The following RAPGEF1 variants were observed in gnomAD, a reference collection of about 807,000 sequenced individuals.
RAPGEF1 encodes Rap guanine nucleotide exchange factor 1.
In RAPGEF1, 33 loss-of-function variants were observed where a neutral mutation model predicts 143.3. The ratio of observed to expected loss-of-function variants is 0.23; its 90% confidence interval spans 0.17 to 0.31. RAPGEF1 has a LOEUF of 0.31. Among genes scored for constraint, RAPGEF1 ranks in the 10% least tolerant of loss-of-function variants. RAPGEF1 has a pLI of 1.00. For synonymous variants in RAPGEF1, 629 were observed against 676.5 expected, an observed-to-expected ratio of 0.93 and a Z score of 1.09; for missense variants, 1,199 against 1,645.4, an observed-to-expected ratio of 0.73 and a Z score of 4.69.
intron 18 of RAPGEF1, 150 bp downstream of exon 18, chr9:131,591,949 C>T (rs551038092): frequency 1.8e-4 from 98 of 559,270 alleles, no homozygotes; most frequent in African/African-American, 1.6e-3. Context: ...GTGGGAACCT[C>T]GGTCCATGGG....
chr9:131,605,017 C>T lies in RAPGEF1; in HGVS notation c.2233G>A (p.Val745Met), dbSNP rs1564503971. Residue 745 changes from valine to methionine, a missense_variant, in exon 13 of 27, where the codon GTG becomes ATG. Val to Met is a conservative substitution (Grantham distance 21). Transcript: ENST00000683357. ...PTMAGPPPST[V>M]DGPLSASQES... ...TGAGAAGCCGAGAGAGGCCCGTCCA[C>T]GGTGCTGGGAGGTGGACCGGCCATG... The T allele has an allele frequency of 1.4e-5, 19 of 1,360,758 alleles. No individual in the cohort carries two copies. Among genetic ancestry groups the T allele is most frequent in the Non-Finnish European group, 1.6e-5 (16 of 1,019,544 alleles). The allele number at this position is 1,360,758 out of a possible 1,614,324, so 84.3% of individuals were successfully genotyped here.
At chr9:131,670,790 A>G (rs1473207955) in intron 1 of RAPGEF1, among the ~76,000 whole-genome samples, 2 of 152,218 alleles carry the variant, frequency 1.3e-5, no homozygotes, top group African/African-American at 4.8e-5. Flanking sequence ...TGGGTTGGGG[A>G]AGAACATATA....
intron 1 of RAPGEF1, among the ~76,000 whole-genome samples, chr9:131,661,308 T>A (rs11243467): frequency 0.011 from 1,617 of 152,230 alleles, 38 homozygotes; most frequent in East Asian, 0.088. Context: ...TTCTCACGAG[T>A]GTAGAGAGAA....
intron 11 of RAPGEF1, among the ~76,000 whole-genome samples, chr9:131,620,274 C>CT (rs10708548): frequency 0.034 from 4,907 of 146,348 alleles, 162 homozygotes; most frequent in South Asian, 0.085. Flanking sequence ...TCAGCAATGG[C>CT]TTTTTTTTTT....
intron 1 of RAPGEF1, among the ~76,000 whole-genome samples, chr9:131,681,240 GATCT>G (rs987255756): frequency 6.6e-6 from 1 of 152,112 alleles, no homozygotes; most frequent in Non-Finnish European, 1.5e-5. Flanking sequence ...TGATCCTCCA[GATCT>G]TTCTTTTCCG....
intron 12 of RAPGEF1, among the ~76,000 whole-genome samples, chr9:131,605,564 T>C (rs1344120737): frequency 6.6e-6 from 1 of 152,200 alleles, no homozygotes; most frequent in Non-Finnish European, 1.5e-5. Flanking sequence ...AATTACTCAT[T>C]TTGAATTTCT....
At chr9:131,647,083 A>G (rs1969860688) in intron 3 of RAPGEF1, among the ~76,000 whole-genome samples, 1 of 152,178 alleles carries the variant, frequency 6.6e-6, no homozygotes, top group Non-Finnish European at 1.5e-5. Flanking sequence ...TTGGACACCC[A>G]GTATATGGCT....
chr9:131,696,873 T>C (rs186506395), intron 1 of RAPGEF1, among the ~76,000 whole-genome samples: 2 of 152,372 alleles, frequency 1.3e-5, no homozygotes, highest in African/African-American at 4.8e-5. Flanking sequence ...GGTGCTATAA[T>C]AACATTAACA....
chr9:131,580,740 A>G (rs1951744374), intron 25 of RAPGEF1, among the ~76,000 whole-genome samples: 1 of 152,094 alleles, frequency 6.6e-6, no homozygotes, highest in Non-Finnish European at 1.5e-5. Context: ...ACCAGGGGGC[A>G]GGGGCAGAGA....
At chr9:131,735,537 C>T (rs139543822) in intron 1 of RAPGEF1, among the ~76,000 whole-genome samples, 32 of 152,302 alleles carry the variant, frequency 2.1e-4, no homozygotes, top group African/African-American at 6.5e-4. Context: ...GAGCCTTGTA[C>T]GGAGCCTGAT....
At chr9:131,636,657 T>C (rs1181318067) in intron 5 of RAPGEF1, among the ~76,000 whole-genome samples, 1 of 152,194 alleles carries the variant, frequency 6.6e-6, no homozygotes, top group Non-Finnish European at 1.5e-5. Context: ...ACCTGAAGAA[T>C]AACAATTTTC....
rs1474910535 is a variant in RAPGEF1 at position 131,675,934 on chromosome 9, C to T, written c.62-24985G>A. Among the ~76,000 whole-genome samples, 1 of 151,740 alleles carries T rather than the reference C, an allele frequency of 6.6e-6. No homozygotes were observed. Among genetic ancestry groups the T allele is most frequent in the Non-Finnish European group, 1.5e-5 (1 of 67,956 alleles). The stretch of plus-strand genomic sequence containing the variant: ...AGTCTTTTTTTTTTTTTTAATCTCG[C>T]CCTGTGGCCCAGGCTGGAGTGTAGT... On this transcript the variant is annotated intron_variant, in intron 1 of 26. Coordinates refer to ENST00000683357, the MANE Select transcript of RAPGEF1 (RefSeq NM_001377935.1). The surrounding 1 kb of genome is among the most constrained non-coding windows in gnomAD (Gnocchi z 4.6).
rs1962839278 is a variant in RAPGEF1, at chr9:131,625,827, C to A, written c.1702+95G>T. 2.8e-6 allele frequency: 4 copies of A among 1,444,484 alleles called. No homozygotes were observed. In the South Asian group the frequency reaches 5.7e-5, roughly 21 times the overall value. 89.5% of individuals were successfully genotyped at this position (1,444,484 alleles called of 1,614,324 possible). A position where few individuals can be genotyped will look rare whatever the true frequency, so the allele number is the denominator to read the frequency against. ...GCCTATCTTTTATGAAATAATGAGG[C>A]CACTGATTTGATTCTGGTCTAATGC... On this transcript the variant is annotated intron_variant, in intron 10 of 26. Transcript: ENST00000683357.
At chr9:131,616,055 T>C (rs1259158606) in intron 12 of RAPGEF1, among the ~76,000 whole-genome samples, 2 of 152,004 alleles carry the variant, frequency 1.3e-5, no homozygotes, top group Non-Finnish European at 2.9e-5. Flanking sequence ...TCACCTGAGG[T>C]CAGGAGTTTG....
intron 3 of RAPGEF1, among the ~76,000 whole-genome samples, chr9:131,646,824 A>G (rs1377000786): frequency 1.3e-5 from 2 of 150,352 alleles, no homozygotes; most frequent in Non-Finnish European, 2.9e-5. Context: ...CATTATTCCT[A>G]TTAGTCCAGA....
At chr9:131,696,753 C>T (rs7043541) in intron 1 of RAPGEF1, among the ~76,000 whole-genome samples, 1 of 152,184 alleles carries the variant, frequency 6.6e-6, no homozygotes, top group African/African-American at 2.4e-5. Flanking sequence ...GAATGAATGA[C>T]TAAATGGATA....
rs1963968489 is a variant in RAPGEF1, at chr9:131,628,579, G to A, written c.987C>T (p.Gly329=). 6.2e-7 allele frequency: 1 copy of A among 1,613,082 alleles called. No individual in the cohort carries two copies. The highest frequency in any genetic ancestry group is 1.3e-5 in the African/African-American group (1 of 75,038). ...TATTGATTCCAACAGGCAAACTGGA[G>A]CCACTGGTGGCTCGGCTCATGGGGG... is the stretch of plus-strand genomic sequence containing the variant. ...VVAPMSRATS[G]SSLPVGINRQ... The change falls in exon 8 of 27, where the codon GGC becomes GGT. Residue 329 remains glycine (G), a synonymous_variant. Transcript: ENST00000683357. The surrounding 1 kb of genome is among the most constrained non-coding windows in gnomAD (Gnocchi z 5.7).
intron 4 of RAPGEF1, among the ~76,000 whole-genome samples, chr9:131,640,987 C>T (rs896310680): frequency 6.6e-6 from 1 of 152,130 alleles, no homozygotes; most frequent in Non-Finnish European, 1.5e-5. Context: ...TGGGTCCTTA[C>T]AGCCACACCC....
At chr9:131,610,355 T>G (rs1175639283) in intron 12 of RAPGEF1, among the ~76,000 whole-genome samples, 1 of 152,196 alleles carries the variant, frequency 6.6e-6, no homozygotes, top group African/African-American at 2.4e-5. Flanking sequence ...ATCAGAATGG[T>G]TGCTCCACAG....
Sources: gnomAD v4.1 joint callset for allele counts (sites outside exome capture counted in the v4.1 genomes callset) on GRCh38, gnomAD v4.1.1 for gene constraint, Gnocchi (gnomAD v3.1) non-coding constraint, MANE v1.5 for transcripts, NCBI Gene and HGNC (gene_info 2026-07-23, HGNC 2026-07-21) for gene names.